Variants in CSNK1G1 observed in about 807,000 individuals in gnomAD.
The protein encoded by CSNK1G1 is casein kinase I isoform gamma-1.
Under a neutral mutation model 59.6 loss-of-function variants are expected in CSNK1G1, and 22 were observed. The ratio of observed to expected loss-of-function variants is 0.37; its 90% CI spans 0.26 to 0.53. The LOEUF is 0.53. Among genes scored for constraint, CSNK1G1 ranks in the 20% least tolerant of loss-of-function variants. CSNK1G1 has a pLI of 0.89. For synonymous variants in CSNK1G1, 179 were observed against 177.1 expected (o/e 1.01, Z -0.08); for missense variants, 384 against 519.5 (o/e 0.74, Z 2.54).
chr15:64,190,660 C>A (rs952575758), intron 10 of CSNK1G1, among the ~76,000 whole-genome samples: 4 of 151,864 alleles, frequency 2.6e-5, no homozygotes, highest in African/African-American at 9.7e-5. Flanking sequence ...GTGATCCACC[C>A]GCCTCGGCCT....
intron 1 of CSNK1G1, among the ~76,000 whole-genome samples, chr15:64,333,336 A>C (rs1480904788): frequency 7.1e-6 from 1 of 140,342 alleles, no homozygotes; most frequent in Non-Finnish European, 1.5e-5. Context: ...ACAGTGGCTC[A>C]TGCCTGTAAT....
Position 64,171,911 on chromosome 15 carries a change from G to A in CSNK1G1, c.*20C>T. The A allele has an allele frequency of 1.2e-6, 2 of 1,608,508 alleles. No homozygotes were observed. Among genetic ancestry groups the A allele is most frequent in the East Asian group, 4.5e-5 (2 of 44,860 alleles). ...TTGAGTCAGAGTCCCCAGGGCCTGA[G>A]GACTCCTGGGAGGCACTGGTCACTT... On this transcript the variant is annotated 3_prime_UTR_variant, in exon 12 of 12. Coordinates refer to ENST00000303052, the MANE Select transcript of CSNK1G1 (RefSeq NM_022048.5). The surrounding 1 kb of genome is among the most constrained non-coding windows in gnomAD (Gnocchi z 4.8).
chr15:64,188,669 A>C lies in CSNK1G1; in HGVS notation c.1108-8215T>G, dbSNP rs1365397637. ...CTTGTCTACATTCATTTTAGCCTTAATGAGTCAATACATGAATCTATATCA... is the reference window on the plus strand; with the variant it reads ...CTTGTCTACATTCATTTTAGCCTTACTGAGTCAATACATGAATCTATATCA... On this transcript the variant is annotated intron_variant, in intron 10 of 11. Coordinates refer to ENST00000303052, the MANE Select transcript of CSNK1G1 (RefSeq NM_022048.5). The surrounding 1 kb of genome is among the most constrained non-coding windows in gnomAD (Gnocchi z 4.2). 6.6e-6 allele frequency among the ~76,000 whole-genome samples: 1 copy of C among 152,212 alleles called. No individual in the cohort carries two copies. Among genetic ancestry groups the C allele is most frequent in the Non-Finnish European group, 1.5e-5 (1 of 68,046 alleles).
At position 64,171,740 on chromosome 15, in the gene CSNK1G1, C is replaced by T. The variant is rs979446873; in HGVS notation, c.*191G>A. The T allele has an allele frequency of 1.1e-5, 7 of 615,176 alleles. No individual in the cohort carries two copies. Among genetic ancestry groups the T allele is most frequent in the South Asian group, 3.8e-5 (2 of 52,188 alleles). The allele number at this position is 615,176 out of a possible 1,614,324, so 38.1% of individuals were successfully genotyped here. On this transcript the variant is annotated 3_prime_UTR_variant, in exon 12 of 12. Transcript: ENST00000303052. The surrounding 1 kb of genome is among the most constrained non-coding windows in gnomAD (Gnocchi z 4.8). ...GGACCTGCTCAGAGCCTTAGGCAGG[C>T]GGAGATGGCCAATGACCCACTAGGC... is the stretch of plus-strand genomic sequence containing the variant.
intron 1 of CSNK1G1, among the ~76,000 whole-genome samples, chr15:64,349,415 C>T (rs866059773): frequency 1.3e-5 from 2 of 152,240 alleles, no homozygotes; most frequent in Middle Eastern, 6.8e-3. Flanking sequence ...ATCCCTCTAC[C>T]CAGTATACCC....
rs150234739 is a variant in CSNK1G1, at chr15:64,262,885, C to T, written c.182-3644G>A. On this transcript the variant is annotated intron_variant, in intron 2 of 11. Transcript: ENST00000303052. ...CCTGAGGTCAGGAATTCGAGACCAG[C>T]CTGACCAACATGGAGAAACCCCCGT... Among the ~76,000 whole-genome samples the T allele has an allele frequency of 7.9e-5, 12 of 152,104 alleles. 1 individual carries two copies. The East Asian group carries it at 2.0e-3, about 25-fold the overall frequency.
chr15:64,215,315 C>G (rs991377862), intron 5 of CSNK1G1, among the ~76,000 whole-genome samples: 2 of 150,656 alleles, frequency 1.3e-5, no homozygotes, highest in Admixed American at 1.3e-4. Context: ...TGGGTTCACG[C>G]CATTCTCCTG....
chr15:64,210,896 G>A lies in CSNK1G1; in HGVS notation c.679+2994C>T, dbSNP rs981726169. Among the ~76,000 whole-genome samples, 1 of 152,136 alleles carries A rather than the reference G, an allele frequency of 6.6e-6. No homozygotes were observed. Among genetic ancestry groups the A allele is most frequent in the African/African-American group, 2.4e-5 (1 of 41,416 alleles). On this transcript the variant is annotated intron_variant, in intron 6 of 11. Coordinates refer to ENST00000303052, the MANE Select transcript of CSNK1G1 (RefSeq NM_022048.5). This position sits in a 1 kb window ranked among gnomAD's most constrained non-coding sequence, Gnocchi z 4.2. The stretch of plus-strand genomic sequence containing the variant: ...GATTAACGACCTCCCTTAGGGATGA[G>A]TTCCCAAGAAAGCAGGTTGGTGAGA...
At chr15:64,231,417 GTATA>G (rs139200714) in intron 4 of CSNK1G1, among the ~76,000 whole-genome samples, 1 of 145,360 alleles carries the variant, frequency 6.9e-6, no homozygotes, top group Non-Finnish European at 1.5e-5. Flanking sequence ...ATATGTATAT[GTATA>G]TATATATTAG....
intron 2 of CSNK1G1, among the ~76,000 whole-genome samples, chr15:64,267,616 C>T (rs1280789908): frequency 6.6e-6 from 1 of 152,086 alleles, no homozygotes; most frequent in Non-Finnish European, 1.5e-5. Context: ...TGAGAAACCA[C>T]CTCACTCCAG....
chr15:64,258,522 T>C (rs1162288939), intron 3 of CSNK1G1, among the ~76,000 whole-genome samples: 1 of 152,164 alleles, frequency 6.6e-6, no homozygotes, highest in African/African-American at 2.4e-5. Context: ...ACACTTACTA[T>C]GAGGACAAAC....
chr15:64,175,417 C>A (rs938821045), intron 11 of CSNK1G1, among the ~76,000 whole-genome samples: 1 of 152,156 alleles, frequency 6.6e-6, no homozygotes, highest in African/African-American at 2.4e-5. Flanking sequence ...AAATTCCAGA[C>A]TGCAACAGAC....
At chr15:64,303,472 C>T (rs1052427195) in intron 1 of CSNK1G1, among the ~76,000 whole-genome samples, 4 of 151,750 alleles carry the variant, frequency 2.6e-5, no homozygotes, top group Non-Finnish European at 4.4e-5. Context: ...AAAATTAGGG[C>T]CGGGCACAGT....
intron 2 of CSNK1G1, among the ~76,000 whole-genome samples, chr15:64,287,301 G>A (rs1894480544): frequency 6.6e-6 from 1 of 152,074 alleles, no homozygotes; most frequent in Non-Finnish European, 1.5e-5. Context: ...AACTACTTTT[G>A]TTGATCTGGA....
intron 10 of CSNK1G1, chr15:64,189,595 T>C (rs2081942558): frequency 2.1e-6 from 1 of 480,396 alleles, no homozygotes; most frequent in African/African-American, 2.1e-5. Context: ...ATTGCTGCTC[T>C]GCATGAAAAC....
intron 1 of CSNK1G1, among the ~76,000 whole-genome samples, chr15:64,304,796 G>C (rs745866226): frequency 6.6e-6 from 1 of 152,130 alleles, no homozygotes; most frequent in Non-Finnish European, 1.5e-5. Context: ...AGATTGCCAG[G>C]CTTCTAAATC....
chr15:64,218,460 T>G (rs1555500747), intron 4 of CSNK1G1, among the ~76,000 whole-genome samples: 2 of 152,028 alleles, frequency 1.3e-5, no homozygotes, highest in Non-Finnish European at 2.9e-5. Flanking sequence ...TGGCGCAATC[T>G]TGGCCCACTG....
intron 2 of CSNK1G1, among the ~76,000 whole-genome samples, chr15:64,284,075 T>C (rs890822888): frequency 6.6e-6 from 1 of 152,224 alleles, no homozygotes; most frequent in African/African-American, 2.4e-5. Context: ...GTTGTCCCAA[T>C]ACCACTTGTC....
At chr15:64,288,634 C>A (rs1261886952) in intron 2 of CSNK1G1, among the ~76,000 whole-genome samples, 1 of 151,168 alleles carries the variant, frequency 6.6e-6, no homozygotes, top group Non-Finnish European at 1.5e-5. Context: ...GTAACCCCAA[C>A]ATAGAAAAAA....
Sources: gnomAD v4.1 joint callset for allele counts (sites outside exome capture counted in the v4.1 genomes callset) on GRCh38, gnomAD v4.1.1 for gene constraint, Gnocchi (gnomAD v3.1) non-coding constraint, MANE v1.5 for transcripts, NCBI Gene and HGNC (gene_info 2026-07-23, HGNC 2026-07-21) for gene names.